The following CSTPP1 variants were observed in gnomAD, a reference collection of about 807,000 sequenced individuals.
The protein encoded by CSTPP1 is centriolar satellite-associated tubulin polyglutamylase complex regulator 1.
chr11:47,027,212 TATATC>T, the CSTPP1 span, among the ~76,000 whole-genome samples: 1 of 152,186 alleles, frequency 6.6e-6, no homozygotes, highest in Admixed American at 6.5e-5. Context: ...TTAATCATCT[TATATC>T]AGCCGGTAAG....
chr11:46,980,836 C>T, the CSTPP1 span, among the ~76,000 whole-genome samples: 1 of 152,056 alleles, frequency 6.6e-6, no homozygotes, highest in African/African-American at 2.4e-5. Flanking sequence ...ATGTGCTTAA[C>T]TTTATTTGTA....
the CSTPP1 span, among the ~76,000 whole-genome samples, chr11:46,964,470 A>G: frequency 6.6e-6 from 1 of 152,086 alleles, no homozygotes; most frequent in East Asian, 1.9e-4. Context: ...TATTTTTAGT[A>G]GAGACGGGGT....
the CSTPP1 span, among the ~76,000 whole-genome samples, chr11:47,101,187 T>TTTTTTTTC: frequency 9.8e-6 from 1 of 101,756 alleles, no homozygotes; most frequent in Non-Finnish European, 1.8e-5. Flanking sequence ...TTTTTTTTTT[T>TTTTTTTTC]TTATTTTATT....
At chr11:47,116,675 G>GTTTTTTTT in the CSTPP1 span, among the ~76,000 whole-genome samples, 4 of 83,906 alleles carry the variant, frequency 4.8e-5, no homozygotes, top group Non-Finnish European at 6.3e-5. Flanking sequence ...TGCTTGGTAG[G>GTTTTTTTT]TTTTTTTTTT....
chr11:47,090,908 G>A, the CSTPP1 span, among the ~76,000 whole-genome samples: 4 of 150,410 alleles, frequency 2.7e-5, no homozygotes, highest in East Asian at 2.0e-4. Flanking sequence ...GCGCGGTGGC[G>A]GGCGCCTGTG....
the CSTPP1 span, chr11:47,052,504 T>A: frequency 1.2e-6 from 2 of 1,613,534 alleles, no homozygotes; most frequent in African/African-American, 2.7e-5. Context: ...TTCCGAACTG[T>A]GGGCAAAAAT....
At chr11:47,085,451 T>A in the CSTPP1 span, among the ~76,000 whole-genome samples, 1 of 152,144 alleles carries the variant, frequency 6.6e-6, no homozygotes, top group Non-Finnish European at 1.5e-5. Context: ...TGGTTTAGTC[T>A]TCTCTGTCAA....
At chr11:46,944,104 G>A in the CSTPP1 span, among the ~76,000 whole-genome samples, 91 of 152,168 alleles carry the variant, frequency 6.0e-4, no homozygotes, top group African/African-American at 2.1e-3. Flanking sequence ...GATCACCTGA[G>A]GTCAGGAGTT....
At chr11:47,130,285 G>A in the CSTPP1 span, among the ~76,000 whole-genome samples, 26 of 151,700 alleles carry the variant, frequency 1.7e-4, 1 homozygote, top group South Asian at 5.4e-3. Context: ...AAAAACTAAA[G>A]GGGCTTTCTG....
At chr11:47,007,001 GTTTTTTTTTTT>G in the CSTPP1 span, among the ~76,000 whole-genome samples, 18 of 111,122 alleles carry the variant, frequency 1.6e-4, no homozygotes, top group African/African-American at 5.7e-4. Context: ...ATTTTGTGTG[GTTTTTTTTTTT>G]TTTTTTTTTT....
the CSTPP1 span, chr11:47,052,928 T>C: frequency 0.76 from 117,659 of 154,982 alleles, 45,423 homozygotes; most frequent in African/African-American, 0.84. Context: ...CCCAGATTTA[T>C]ACCCAGGCAG....
the CSTPP1 span, among the ~76,000 whole-genome samples, chr11:47,066,835 T>G: frequency 1.3e-5 from 2 of 152,168 alleles, no homozygotes; most frequent in South Asian, 4.1e-4. Flanking sequence ...TTACTTGTTG[T>G]TATTAACCTT....
the CSTPP1 span, among the ~76,000 whole-genome samples, chr11:46,966,150 C>G: frequency 0.59 from 88,959 of 151,762 alleles, 30,022 homozygotes; most frequent in Non-Finnish European, 0.76. Flanking sequence ...TCAAGTGATT[C>G]TCCTGCCTCA....
the CSTPP1 span, among the ~76,000 whole-genome samples, chr11:47,158,595 G>C: frequency 1.1e-4 from 17 of 152,194 alleles, no homozygotes; most frequent in African/African-American, 4.1e-4. Context: ...GGAGTGCTGT[G>C]TACAATCTCA....
the CSTPP1 span, among the ~76,000 whole-genome samples, chr11:47,152,646 A>T: frequency 1.3e-5 from 2 of 152,230 alleles, no homozygotes; most frequent in Non-Finnish European, 2.9e-5. Flanking sequence ...GACAGTGGTG[A>T]TGGTGGCGCT....
the CSTPP1 span, among the ~76,000 whole-genome samples, chr11:46,959,865 A>ATT: frequency 3.6e-3 from 486 of 134,020 alleles, 5 homozygotes; most frequent in African/African-American, 0.013. Flanking sequence ...GGTTTAAATA[A>ATT]TTTTTTTTTT....
chr11:47,139,597 C>T, the CSTPP1 span, among the ~76,000 whole-genome samples: 2 of 151,690 alleles, frequency 1.3e-5, no homozygotes, highest in Non-Finnish European at 2.9e-5. Flanking sequence ...TCACTTGAAC[C>T]TGGGAGGCAG....
At chr11:47,134,619 C>A in the CSTPP1 span, among the ~76,000 whole-genome samples, 2 of 151,990 alleles carry the variant, frequency 1.3e-5, no homozygotes, top group Non-Finnish European at 2.9e-5. Context: ...GCCAAAGGGC[C>A]CAAAATAGAC....
chr11:47,143,686 G>A, the CSTPP1 span, among the ~76,000 whole-genome samples: 30 of 152,298 alleles, frequency 2.0e-4, no homozygotes, highest in African/African-American at 7.2e-4. Flanking sequence ...GATCACCACA[G>A]CATCTCCCAC....
Sources: allele counts gnomAD v4.1 joint callset (sites outside exome capture counted in the v4.1 genomes callset), GRCh38; gene constraint gnomAD v4.1.1; transcripts MANE v1.5; gene names NCBI Gene and HGNC (gene_info 2026-07-23, HGNC 2026-07-21).